The following ACSS3 variants were observed in gnomAD, a reference collection of about 807,000 sequenced individuals.
ACSS3 encodes the protein acyl-CoA synthetase short chain family member 3.
Under a neutral mutation model 84.2 loss-of-function variants are expected in ACSS3, and 64 were observed. The ratio of observed to expected loss-of-function variants is 0.76; its 90% CI spans 0.62 to 0.94. ACSS3 has a LOEUF of 0.94. Among genes scored for constraint, ACSS3 ranks in the 40% least tolerant of loss-of-function variants. ACSS3 has a pLI of 0.00. For missense variants in ACSS3, 815 were observed against 867.6 expected (o/e 0.94, Z 0.76); for synonymous variants, 317 against 310.1 (o/e 1.02, Z -0.23).
At chr12:81,187,767 T>C (rs569112108) in intron 8 of ACSS3, among the ~76,000 whole-genome samples, 84 of 152,118 alleles carry the variant, frequency 5.5e-4, no homozygotes, top group Non-Finnish European at 9.7e-4. Context: ...ATCCCTCTGG[T>C]GCTTAGAATA....
In ACSS3 at chr12:81,078,151, G is replaced by C. The variant is rs1473201992; in HGVS notation, c.31G>C (p.Val11Leu). 6.6e-7 allele frequency: 1 copy of C among 1,509,346 alleles called. No individual in the cohort carries two copies. The highest frequency in any genetic ancestry group is 2.6e-5 in the Admixed American group (1 of 38,884). The allele number at this position is 1,509,346 out of a possible 1,614,324, so 93.5% of individuals were successfully genotyped here. Residue 11 changes from valine to leucine, a missense_variant, in exon 1 of 16, where the codon GTC becomes CTC. Transcript: ENST00000548058. Reference protein sequence around the residue: MKPSWLQCRKVTSAGGLGGPL... With the variant: MKPSWLQCRKLTSAGGLGGPL... ...ACCGTCTTGGCTGCAGTGTCGTAAA[G>C]TCACCAGCGCCGGGGGGCTCGGAGG...
intron 2 of ACSS3, among the ~76,000 whole-genome samples, chr12:81,115,574 T>C (rs1466423262): frequency 2.0e-5 from 3 of 152,088 alleles, no homozygotes; most frequent in Non-Finnish European, 4.4e-5. Context: ...GTGTTAGAAT[T>C]ACAGGTTTGA....
rs1355517414 is a variant in ACSS3, at chr12:81,259,370, T to C, written c.*4448T>C. 1 of 600,156 alleles carries C rather than the reference T, an allele frequency of 1.7e-6. No individual in the cohort carries two copies. Among genetic ancestry groups the C allele is most frequent in the Admixed American group, 2.3e-5 (1 of 43,822 alleles). 37.2% of individuals were successfully genotyped at this position (600,156 alleles called of 1,614,324 possible). A position where few individuals can be genotyped will look rare whatever the true frequency, so the allele number is the denominator to read the frequency against. ...TGCACGGTAATACATAAATGCCTAG[T>C]ATATTACAATAAAACATGAAAAACA... On this transcript the variant is annotated 3_prime_UTR_variant, in exon 16 of 16. Transcript: ENST00000548058.
chr12:81,213,654 TCCTCC>T (rs1179455674), intron 9 of ACSS3, among the ~76,000 whole-genome samples: 1 of 25,944 alleles, frequency 3.9e-5, no homozygotes, highest in Non-Finnish European at 6.7e-5. Context: ...TCCCCTCACC[TCCTCC>T]CCTCCCCTCC....
chr12:81,216,956 T>A lies in ACSS3; in HGVS notation c.1410T>A (p.Pro470=). Residue 470 remains proline, a synonymous_variant, in exon 10 of 16, where the codon CCT becomes CCA. Coordinates refer to ENST00000548058, the MANE Select transcript of ACSS3 (RefSeq NM_024560.4). ...TTGGATTAGGCAATTCTAAAACACC[T>A]CCACCAGGGCAAGCAGGAAAAAGCG... ...SCVGLGNSKT[P]PPGQAGKSVP... 1 of 1,611,396 alleles carries A rather than the reference T, an allele frequency of 6.2e-7. No homozygotes were observed.
chr12:81,109,934 A>G (rs1883433561), intron 2 of ACSS3, among the ~76,000 whole-genome samples: 1 of 152,066 alleles, frequency 6.6e-6, no homozygotes, highest in South Asian at 2.1e-4. Flanking sequence ...TTACAGGGAG[A>G]GGATGGCAAA....
At chr12:81,241,369 T>C (rs1428008735) in intron 13 of ACSS3, among the ~76,000 whole-genome samples, 2 of 152,094 alleles carry the variant, frequency 1.3e-5, no homozygotes, top group Admixed American at 6.6e-5. Context: ...GATGGCTGGG[T>C]CAAATGGTAT....
Position 81,129,696 on chromosome 12 carries a change from T to C in ACSS3, c.457-5120T>C, listed in dbSNP as rs577136240. On this transcript the variant is annotated intron_variant, in intron 2 of 15. Coordinates refer to ENST00000548058, the MANE Select transcript of ACSS3 (RefSeq NM_024560.4). ...AACGTGCAGGTTTGTTACATATGTA[T>C]GCATGTACCATGTTGGTGTGCTGCA... Among the ~76,000 whole-genome samples, 44 of 152,306 alleles carry C rather than the reference T, an allele frequency of 2.9e-4. 1 individual carries two copies. Among genetic ancestry groups the C allele is most frequent in the African/African-American group, 1.1e-3 (44 of 41,564 alleles).
intron 1 of ACSS3, among the ~76,000 whole-genome samples, chr12:81,088,811 G>A (rs2121314306): frequency 6.6e-6 from 1 of 151,896 alleles, no homozygotes; most frequent in South Asian, 2.1e-4. Context: ...ACCGTTTAAA[G>A]TTTTTACTTT....
At chr12:81,231,620 T>C (rs966218262) in intron 12 of ACSS3, among the ~76,000 whole-genome samples, 6 of 151,738 alleles carry the variant, frequency 4.0e-5, no homozygotes, top group African/African-American at 1.5e-4. Flanking sequence ...TTTTGAATGT[T>C]CTCTGAGCTC....
chr12:81,209,862 A>G (rs984527064), intron 9 of ACSS3, among the ~76,000 whole-genome samples: 1 of 152,156 alleles, frequency 6.6e-6, no homozygotes, highest in Non-Finnish European at 1.5e-5. Flanking sequence ...TGACATTGCC[A>G]TGGCATTTGT....
intron 1 of ACSS3, chr12:81,104,727 A>G (rs913447027): frequency 6.6e-6 from 1 of 152,106 alleles, no homozygotes; most frequent in Admixed American, 6.6e-5. Context: ...CCCCCAGCTG[A>G]TGTGGTATCA....
intron 1 of ACSS3, among the ~76,000 whole-genome samples, chr12:81,089,530 A>G (rs145385648): frequency 1.6e-3 from 241 of 152,118 alleles, no homozygotes; most frequent in African/African-American, 5.5e-3. Context: ...AACTTTGGAA[A>G]ACAAATGATC....
At position 81,260,733 on chromosome 12, in the gene ACSS3, A is replaced by G. The variant is rs1029503978; in HGVS notation, c.*5811A>G. 3 of 152,230 alleles carry G rather than the reference A, an allele frequency of 2.0e-5. No individual in the cohort carries two copies. The highest frequency in any genetic ancestry group is 2.9e-5 in the Non-Finnish European group (2 of 68,040). 9.4% of individuals were successfully genotyped at this position (152,230 alleles called of 1,614,324 possible). On this transcript the variant is annotated 3_prime_UTR_variant, in exon 16 of 16. Coordinates refer to ENST00000548058, the MANE Select transcript of ACSS3 (RefSeq NM_024560.4). ...ATAAATTGTGTGGCACTTTTAGTTC[A>G]AGGCAATGAAAACAGCACAAGGTGA...
At chr12:81,083,429 C>T (rs1453623814) in intron 1 of ACSS3, among the ~76,000 whole-genome samples, 2 of 149,952 alleles carry the variant, frequency 1.3e-5, no homozygotes, top group Admixed American at 6.7e-5. Context: ...ATGATCTCTG[C>T]TCACTGCAAC....
intron 8 of ACSS3, among the ~76,000 whole-genome samples, chr12:81,198,167 C>A (rs191534645): frequency 1.3e-5 from 2 of 152,242 alleles, no homozygotes; most frequent in South Asian, 4.1e-4. Flanking sequence ...GTTAATTTTG[C>A]TAACTCCCCA....
chr12:81,096,633 C>A (rs12827258), intron 1 of ACSS3, among the ~76,000 whole-genome samples: 3,467 of 152,094 alleles, frequency 0.023, 69 homozygotes, highest in Middle Eastern at 0.054. Context: ...CCCCCCACCC[C>A]CTGACAGGCC....
intron 10 of ACSS3, 49 bp from the exon 11 acceptor site, chr12:81,219,964 G>T (rs1177578911): frequency 4.8e-6 from 6 of 1,259,418 alleles, no homozygotes; most frequent in Non-Finnish European, 6.4e-6. Flanking sequence ...AAATGTTTAA[G>T]CTTTAAGATT....
At chr12:81,201,733 T>A (rs1308503624) in intron 9 of ACSS3, among the ~76,000 whole-genome samples, 7 of 152,212 alleles carry the variant, frequency 4.6e-5, no homozygotes, top group Non-Finnish European at 7.3e-5. Flanking sequence ...TCCATTTCCA[T>A]TGTCCTCATC....
Sources: allele counts gnomAD v4.1 joint callset (sites outside exome capture counted in the v4.1 genomes callset), GRCh38; gene constraint gnomAD v4.1.1; transcripts MANE v1.5; gene names NCBI Gene and HGNC (gene_info 2026-07-23, HGNC 2026-07-21).